EYA2: variants seen among roughly 807,000 people sequenced by gnomAD.
EYA2 encodes the protein protein phosphatase EYA2.
Under a neutral mutation model 69.2 loss-of-function variants are expected in EYA2, and 31 were observed. That is an observed-to-expected ratio of 0.45 (90% CI 0.34 to 0.60). The LOEUF (loss-of-function observed/expected upper bound fraction) is 0.60. Ranked by LOEUF, EYA2 falls within the 20% of genes least tolerant of loss-of-function variation. The pLI, the probability that EYA2 is intolerant of heterozygous loss-of-function variation, is 0.02. For missense variants in EYA2, 622 were observed against 701.2 expected, an observed-to-expected ratio of 0.89 and a Z score of 1.28; for synonymous variants, 257 against 279.4, an observed-to-expected ratio of 0.92 and a Z score of 0.80.
intron 1 of EYA2, among the ~76,000 whole-genome samples, chr20:46,903,416 C>T (rs1006490705): frequency 3.0e-4 from 46 of 152,256 alleles, no homozygotes; most frequent in Admixed American, 2.0e-3. Context: ...CTTACTCGGC[C>T]GACAGCAACT....
At chr20:46,986,426 T>TATATAGATCTATATAATATCTATATATAA (rs1981217924) in intron 1 of EYA2, among the ~76,000 whole-genome samples, 1 of 89,450 alleles carries the variant, frequency 1.1e-5, no homozygotes, top group African/African-American at 3.6e-5. Context: ...TCTATATATA[T>TATATAGATCTATATAATATCTATATATAA]AATATATAAT....
chr20:46,913,812 G>C (rs1049667091), intron 1 of EYA2, among the ~76,000 whole-genome samples: 1 of 152,214 alleles, frequency 6.6e-6, no homozygotes, highest in African/African-American at 2.4e-5. Flanking sequence ...GGGAGGAGCA[G>C]GTTGGGAAAG....
chr20:46,933,713 G>A, intron 1 of EYA2, among the ~76,000 whole-genome samples: 1 of 152,268 alleles, frequency 6.6e-6, no homozygotes, highest in East Asian at 1.9e-4. Context: ...CAGGACTGCT[G>A]TCTTGCAGCA....
chr20:46,993,367 C>G (rs1472166086), intron 2 of EYA2, among the ~76,000 whole-genome samples: 4 of 151,418 alleles, frequency 2.6e-5, no homozygotes, highest in Admixed American at 6.6e-5. Flanking sequence ...GGCCCAGCCC[C>G]TGGCCCCTTT....
intron 4 of EYA2, among the ~76,000 whole-genome samples, chr20:47,007,440 T>C (rs1218108430): frequency 6.6e-6 from 1 of 152,062 alleles, no homozygotes; most frequent in Non-Finnish European, 1.5e-5. Flanking sequence ...ACTTGGCAAT[T>C]CTGAGAAGAC....
rs566174952 is a variant in EYA2, at chr20:47,188,531, G to A, written c.*398G>A. On this transcript the variant is annotated 3_prime_UTR_variant, in exon 16 of 16. Transcript: ENST00000327619. Reference sequence around the variant, plus strand: ...TATGCTCTTGTACCTGTGTGGCTGGGTTTCTTAGTCGTTGGTTTGGTTTGG... The same window carrying A: ...TATGCTCTTGTACCTGTGTGGCTGGATTTCTTAGTCGTTGGTTTGGTTTGG... The A allele has an allele frequency of 1.9e-5, 9 of 462,380 alleles. 1 individual carries two copies. The highest frequency in any genetic ancestry group is 5.5e-4 in the Middle Eastern group (1 of 1,812). The allele number at this position is 462,380 out of a possible 1,614,324, so 28.6% of individuals were successfully genotyped here.
At chr20:46,902,742 G>A (rs1042803970) in intron 1 of EYA2, among the ~76,000 whole-genome samples, 2 of 152,226 alleles carry the variant, frequency 1.3e-5, no homozygotes, top group Admixed American at 1.3e-4. Flanking sequence ...TTGTAGAAAT[G>A]AATGAATGTT....
At chr20:47,186,221 G>C (rs1478613213) in intron 15 of EYA2, among the ~76,000 whole-genome samples, 1 of 152,022 alleles carries the variant, frequency 6.6e-6, no homozygotes, top group Non-Finnish European at 1.5e-5. Flanking sequence ...AAGTGTTTGT[G>C]ACCTGTACAG....
chr20:46,986,383 A>G (rs1396550117), intron 1 of EYA2, among the ~76,000 whole-genome samples: 2 of 147,434 alleles, frequency 1.4e-5, no homozygotes, highest in Non-Finnish European at 3.0e-5. Flanking sequence ...TATGTATTAT[A>G]TATCGATATA....
intron 9 of EYA2, among the ~76,000 whole-genome samples, chr20:47,132,237 C>T (rs79899422): frequency 0.022 from 3,372 of 152,276 alleles, 117 homozygotes; most frequent in East Asian, 0.09. Context: ...CGTGAGCCAC[C>T]ATGCCCCCAG....
chr20:46,954,557 C>T (rs1385083140), intron 1 of EYA2, among the ~76,000 whole-genome samples: 2 of 152,228 alleles, frequency 1.3e-5, no homozygotes, highest in South Asian at 2.1e-4. Context: ...AGGGAACACA[C>T]TAATACAGTT....
intron 10 of EYA2, among the ~76,000 whole-genome samples, chr20:47,145,759 G>T (rs936346060): frequency 6.6e-6 from 1 of 152,066 alleles, no homozygotes; most frequent in Admixed American, 6.5e-5. Context: ...ATATTAGCCA[G>T]GTGTGGTGGC....
At chr20:47,144,363 A>G (rs999133727) in intron 10 of EYA2, among the ~76,000 whole-genome samples, 2 of 152,140 alleles carry the variant, frequency 1.3e-5, no homozygotes, top group African/African-American at 4.8e-5. Context: ...AAAAAAAAAA[A>G]AAAAGAAAGA....
chr20:46,895,063 C>G (rs73622688), intron 1 of EYA2, 76 bp downstream of exon 1: 1 of 151,838 alleles, frequency 6.6e-6, no homozygotes, highest in Non-Finnish European at 1.5e-5. Flanking sequence ...TCACCGGGAC[C>G]CCCTCGCCCT....
intron 9 of EYA2, among the ~76,000 whole-genome samples, chr20:47,111,342 C>T (rs963290589): frequency 6.6e-6 from 1 of 152,162 alleles, no homozygotes; most frequent in African/African-American, 2.4e-5. Context: ...GACTTAGTGG[C>T]ATAAAACAAT....
At position 46,978,439 on chromosome 20, in the gene EYA2, A is replaced by G. The variant is rs535801967; in HGVS notation, c.-10-11562A>G. 8.8e-5 allele frequency: 35 copies of G among 398,992 alleles called. No individual in the cohort carries two copies. In the East Asian group the frequency reaches 2.5e-3, roughly 28 times the overall value. The allele number at this position is 398,992 out of a possible 1,614,324, so 24.7% of individuals were successfully genotyped here. On this transcript the variant is annotated intron_variant, in intron 1 of 15. Transcript: ENST00000327619. The stretch of plus-strand genomic sequence containing the variant: ...GAACTGAGGCCTCTGCAGGGTGAGC[A>G]GGAGGGACTGGAGTTCCAGGCAGAG...
chr20:46,903,186 A>T lies in EYA2; in HGVS notation c.-11+8199A>T, dbSNP rs529622611. Among the ~76,000 whole-genome samples, 9 of 152,302 alleles carry T rather than the reference A, an allele frequency of 5.9e-5. 1 individual carries two copies. Among genetic ancestry groups the T allele is most frequent in the African/African-American group, 2.2e-4 (9 of 41,572 alleles). On this transcript the variant is annotated intron_variant, in intron 1 of 15. Transcript: ENST00000327619. ...CAGCATCTCCGGTAGGAGGATCCCAATGTGTTCTCACCAGTATCCCATGGC... is the reference window on the plus strand; with the variant it reads ...CAGCATCTCCGGTAGGAGGATCCCATTGTGTTCTCACCAGTATCCCATGGC...
chr20:46,981,839 T>A (rs1366326789), intron 1 of EYA2, among the ~76,000 whole-genome samples: 2 of 152,174 alleles, frequency 1.3e-5, no homozygotes, highest in Admixed American at 1.3e-4. Context: ...GTAGTTAGGT[T>A]TTTAAAGTCA....
intron 1 of EYA2, among the ~76,000 whole-genome samples, chr20:46,972,167 A>G (rs972818540): frequency 6.6e-6 from 1 of 152,252 alleles, no homozygotes; most frequent in African/African-American, 2.4e-5. Flanking sequence ...AGGAACAGCA[A>G]GTGCAAAACC....
Sources: allele counts gnomAD v4.1 joint callset (sites outside exome capture counted in the v4.1 genomes callset), GRCh38; gene constraint gnomAD v4.1.1; transcripts MANE v1.5; gene names NCBI Gene and HGNC (gene_info 2026-07-23, HGNC 2026-07-21).